LGI2: variants seen among roughly 807,000 people sequenced by gnomAD.
LGI2 encodes the protein leucine-rich repeat LGI family member 2.
A neutral mutation model predicts 52.0 loss-of-function variants in LGI2; 30 were observed. That is an observed-to-expected ratio of 0.58 (90% CI 0.43 to 0.78). The LOEUF (loss-of-function observed/expected upper bound fraction) is 0.78, where lower values mean the gene tolerates loss of function less well. Ranked by LOEUF, LGI2 falls within the 30% of genes least tolerant of loss-of-function variation. LGI2 has a pLI of 0.00. For missense variants in LGI2, 573 were observed against 692.5 expected (o/e 0.83, Z 1.94); for synonymous variants, 270 against 271.8 (o/e 0.99, Z 0.06).
rs144706787 is a variant in LGI2 at position 25,013,273 on chromosome 4, G to T, written c.656-774C>A. On this transcript the variant is annotated intron_variant, in intron 6 of 7. Coordinates refer to ENST00000382114, the MANE Select transcript of LGI2 (RefSeq NM_018176.4). ...ATCCTTGTTGGCTAAACCACTGTGA[G>T]GCGGCTGGCCTTGCTTCTCAGCCCA... Among the ~76,000 whole-genome samples the T allele has an allele frequency of 6.6e-5, 10 of 152,338 alleles. No homozygotes were observed. The East Asian group carries it at 1.9e-3, about 29-fold the overall frequency.
rs1725338586 is a variant in LGI2, at chr4:25,004,335, T to C, written c.821-67A>G. 4.5e-6 allele frequency: 6 copies of C among 1,336,586 alleles called. No individual in the cohort carries two copies. In the South Asian group the frequency reaches 6.8e-5, roughly 15 times the overall value. The allele number at this position is 1,336,586 out of a possible 1,614,324, so 82.8% of individuals were successfully genotyped here. A position where few individuals can be genotyped will look rare whatever the true frequency, so the allele number is the denominator to read the frequency against. Reference sequence around the variant, plus strand: ...GCTAAAAACGCATCTCCGCTTGTACTCTTATACACTGCTGGTGGGAGTGTG... The same window carrying C: ...GCTAAAAACGCATCTCCGCTTGTACCCTTATACACTGCTGGTGGGAGTGTG... On this transcript the variant is annotated intron_variant, in intron 7 of 7. Transcript: ENST00000382114. This position sits in a 1 kb window ranked among gnomAD's most constrained non-coding sequence, Gnocchi z 4.6.
At chr4:25,018,633 A>T (rs1421393841) in intron 5 of LGI2, among the ~76,000 whole-genome samples, 1 of 152,152 alleles carries the variant, frequency 6.6e-6, no homozygotes, top group Non-Finnish European at 1.5e-5. Context: ...AGGCCAAGGT[A>T]GGCAGATCAC....
intron 1 of LGI2, 77 bp downstream of exon 1, chr4:25,030,420 C>T: frequency 6.8e-7 from 1 of 1,477,090 alleles, no homozygotes; most frequent in East Asian, 2.5e-5. Flanking sequence ...GCTGGCCCGG[C>T]GCCAGAGGCA....
chr4:25,028,078 G>A (rs879364749), intron 2 of LGI2, among the ~76,000 whole-genome samples: 18 of 152,178 alleles, frequency 1.2e-4, no homozygotes, highest in African/African-American at 3.6e-4. Context: ...AATTACGCAC[G>A]TAAGTTCATA....
chr4:25,029,044 C>T (rs1230324001), intron 1 of LGI2, among the ~76,000 whole-genome samples: 1 of 152,170 alleles, frequency 6.6e-6, no homozygotes, highest in Non-Finnish European at 1.5e-5. Flanking sequence ...AACATGAAAG[C>T]CCTGGGGAAA....
At chr4:24,994,870 C>T (rs1387945330), downstream of LGI2, among the ~76,000 whole-genome samples, 1 of 152,168 alleles carries the variant, frequency 6.6e-6, no homozygotes, top group African/African-American at 2.4e-5. Flanking sequence ...GCATCGTCAT[C>T]TCCCTCGGGG....
intron 1 of LGI2, 107 bp from the exon 2 acceptor site, chr4:25,028,685 C>G: frequency 1.1e-6 from 1 of 926,610 alleles, no homozygotes; most frequent in Admixed American, 2.0e-5. Flanking sequence ...CCCTGACTCT[C>G]AGGAGTGAGG....
chr4:24,996,672 A>C (rs1398953391), downstream of LGI2, among the ~76,000 whole-genome samples: 1 of 152,142 alleles, frequency 6.6e-6, no homozygotes, highest in African/African-American at 2.4e-5. Context: ...GGCAGAACTG[A>C]TGGGCTGGCC....
At chr4:25,007,160 A>G (rs978512774) in intron 7 of LGI2, among the ~76,000 whole-genome samples, 3 of 152,144 alleles carry the variant, frequency 2.0e-5, no homozygotes, top group Non-Finnish European at 4.4e-5. Flanking sequence ...GATGCACCAT[A>G]TTTTACTTAA....
Position 25,004,429 on chromosome 4 carries a change from G to A in LGI2, c.821-161C>T, listed in dbSNP as rs1725340768. 6.6e-6 allele frequency among the ~76,000 whole-genome samples: 1 copy of A among 152,186 alleles called. No homozygotes were observed. The highest frequency in any genetic ancestry group is 2.1e-4 in the South Asian group (1 of 4,830). On this transcript the variant is annotated intron_variant, in intron 7 of 7. Coordinates refer to ENST00000382114, the MANE Select transcript of LGI2 (RefSeq NM_018176.4). The surrounding 1 kb of genome is among the most constrained non-coding windows in gnomAD (Gnocchi z 4.6). ...AAAATTAAACATGGAATTACCCTATGAGCCAGCAATTCCACTTCTTTGTAT... is the reference window on the plus strand; with the variant it reads ...AAAATTAAACATGGAATTACCCTATAAGCCAGCAATTCCACTTCTTTGTAT...
intron 7 of LGI2, among the ~76,000 whole-genome samples, chr4:25,009,414 G>C (rs1418655227): frequency 6.6e-6 from 1 of 152,090 alleles, no homozygotes; most frequent in African/African-American, 2.4e-5. Flanking sequence ...CCTTCTTGAT[G>C]AGGCCTCTCC....
rs750228632 is a variant in LGI2, at chr4:25,014,119, C to T, written c.656-1620G>A. On this transcript the variant is annotated intron_variant, in intron 6 of 7. Coordinates refer to ENST00000382114, the MANE Select transcript of LGI2 (RefSeq NM_018176.4). The stretch of plus-strand genomic sequence containing the variant: ...CATCTCCGGTTGCATTCGACTACTC[C>T]GAGTCTGCCAAAAGTTCTAAGCACT... Among the ~76,000 whole-genome samples, 6 of 152,164 alleles carry T rather than the reference C, an allele frequency of 3.9e-5. No homozygotes were observed. The South Asian group carries it at 6.2e-4, about 16-fold the overall frequency.
Position 25,026,863 on chromosome 4 carries a change from C to T in LGI2, c.341+5G>A. On this transcript the variant is annotated splice_donor_5th_base_variant and intron_variant, in intron 3 of 7. Coordinates refer to ENST00000382114, the MANE Select transcript of LGI2 (RefSeq NM_018176.4). ...TTCAGCAAATAGACAAAGCACAAAA[C>T]TTACAGGTATTCAAGATGAAAAAGT... 2 of 1,607,746 alleles carry T rather than the reference C, an allele frequency of 1.2e-6. No homozygotes were observed. The highest frequency in any genetic ancestry group is 1.7e-6 in the Non-Finnish European group (2 of 1,174,204).
At chr4:25,010,863 C>T (rs1019626763) in intron 7 of LGI2, among the ~76,000 whole-genome samples, 3 of 152,140 alleles carry the variant, frequency 2.0e-5, no homozygotes, top group Admixed American at 1.3e-4. Context: ...CAGGAGGATC[C>T]CTTGAGCTCA....
chr4:24,999,693 T>C lies in LGI2; in HGVS notation c.*3758A>G, dbSNP rs1725180973. The stretch of plus-strand genomic sequence containing the variant: ...TTCATTATACCCCAGGCCAGAGAAA[T>C]TTCCATCATGAGCACTCCTGACCGC... On this transcript the variant is annotated 3_prime_UTR_variant, in exon 8 of 8. Transcript: ENST00000382114. 2.6e-6 allele frequency: 1 copy of C among 386,772 alleles called. No homozygotes were observed. Among genetic ancestry groups the C allele is most frequent in the African/African-American group, 2.1e-5 (1 of 47,440 alleles). 24.0% of individuals were successfully genotyped at this position (386,772 alleles called of 1,614,324 possible). A position where few individuals can be genotyped will look rare whatever the true frequency, so the allele number is the denominator to read the frequency against.
intron 7 of LGI2, among the ~76,000 whole-genome samples, chr4:25,010,067 G>A (rs1725528993): frequency 6.6e-6 from 1 of 152,024 alleles, no homozygotes; most frequent in Non-Finnish European, 1.5e-5. Context: ...ATATCAGAAG[G>A]GCAGGAGTTC....
intron 6 of LGI2, among the ~76,000 whole-genome samples, chr4:25,015,662 G>A (rs540645020): frequency 1.3e-5 from 2 of 152,138 alleles, no homozygotes; most frequent in Non-Finnish European, 2.9e-5. Flanking sequence ...ATGAACTCTC[G>A]ACCTTTGGCT....
At position 25,004,913 on chromosome 4, in the gene LGI2, A is replaced by G. The variant is rs544096037; in HGVS notation, c.821-645T>C. Among the ~76,000 whole-genome samples, 1 of 152,362 alleles carries G rather than the reference A, an allele frequency of 6.6e-6. No individual in the cohort carries two copies. Among genetic ancestry groups the G allele is most frequent in the East Asian group, 1.9e-4 (1 of 5,190 alleles). On this transcript the variant is annotated intron_variant, in intron 7 of 7. Coordinates refer to ENST00000382114, the MANE Select transcript of LGI2 (RefSeq NM_018176.4). This position sits in a 1 kb window ranked among gnomAD's most constrained non-coding sequence, Gnocchi z 4.6. ...CCAAGTTGCTTCAATGGACAAATAG[A>G]TAGACAAAATGTGGCATATACATAA...
intron 6 of LGI2, among the ~76,000 whole-genome samples, chr4:25,015,473 G>C (rs1686521857): frequency 6.6e-6 from 1 of 152,068 alleles, no homozygotes; most frequent in South Asian, 2.1e-4. Context: ...TTTGTGATAT[G>C]AATTACACCC....
Sources: gnomAD v4.1 joint callset for allele counts (sites outside exome capture counted in the v4.1 genomes callset) on GRCh38, gnomAD v4.1.1 for gene constraint, Gnocchi (gnomAD v3.1) non-coding constraint, MANE v1.5 for transcripts, NCBI Gene and HGNC (gene_info 2026-07-23, HGNC 2026-07-21) for gene names.